The following SHC3 variants were observed in gnomAD, a reference collection of about 807,000 sequenced individuals.
The protein encoded by SHC3 is SHC-transforming protein 3.
Under a neutral mutation model 60.4 loss-of-function variants are expected in SHC3, and 15 were observed. The observed-to-expected ratio is 0.25, with a 90% CI of 0.17 to 0.38. The LOEUF is 0.38. Ranked by LOEUF, SHC3 falls within the 10% of genes least tolerant of loss-of-function variation. The probability of loss-of-function intolerance (pLI) is 1.00; values close to 1 mark genes in which losing one functional copy is unlikely to be tolerated. For synonymous variants in SHC3, 294 were observed against 325.9 expected, an observed-to-expected ratio of 0.90 and a Z score of 1.05; for missense variants, 677 against 786.1, an observed-to-expected ratio of 0.86 and a Z score of 1.66.
At chr9:89,035,827 C>T (rs1471121669) in intron 11 of SHC3, among the ~76,000 whole-genome samples, 1 of 49,588 alleles carries the variant, frequency 2.0e-5, no homozygotes, top group Non-Finnish European at 3.8e-5. Flanking sequence ...AACAAACAAA[C>T]AAAATATATA....
At chr9:89,142,779 C>A (rs758929007) in intron 1 of SHC3, among the ~76,000 whole-genome samples, 1 of 151,954 alleles carries the variant, frequency 6.6e-6, no homozygotes, top group Non-Finnish European at 1.5e-5. Context: ...CCTTTACTCA[C>A]ATATATGCAC....
chr9:89,138,935 A>T (rs1826356111), intron 1 of SHC3, among the ~76,000 whole-genome samples: 1 of 152,018 alleles, frequency 6.6e-6, no homozygotes, highest in Non-Finnish European at 1.5e-5. Context: ...AAGATTAATA[A>T]GTATTCAATT....
chr9:89,085,723 A>C (rs1825518442), intron 2 of SHC3, among the ~76,000 whole-genome samples: 1 of 152,216 alleles, frequency 6.6e-6, no homozygotes, highest in Non-Finnish European at 1.5e-5. Flanking sequence ...AACCTGCAGA[A>C]GGTAACACTG....
chr9:89,161,643 T>A (rs1244509390), intron 1 of SHC3, among the ~76,000 whole-genome samples: 8 of 151,900 alleles, frequency 5.3e-5, no homozygotes, highest in Admixed American at 4.6e-4. Flanking sequence ...TCATACTGAA[T>A]GGGCAAAAAC....
At chr9:89,140,811 A>C (rs1826382438) in intron 1 of SHC3, among the ~76,000 whole-genome samples, 1 of 152,182 alleles carries the variant, frequency 6.6e-6, no homozygotes, top group Non-Finnish European at 1.5e-5. Context: ...AGGTTCTCTT[A>C]TGTCGGCATT....
chr9:89,015,037 C>A (rs983481682), intron 11 of SHC3, among the ~76,000 whole-genome samples: 1 of 152,198 alleles, frequency 6.6e-6, no homozygotes, highest in Non-Finnish European at 1.5e-5. Flanking sequence ...GGGCACTAAG[C>A]CTCACTAAGG....
At chr9:89,086,245 C>A (rs544852917) in intron 2 of SHC3, among the ~76,000 whole-genome samples, 6 of 152,184 alleles carry the variant, frequency 3.9e-5, no homozygotes, top group Non-Finnish European at 5.9e-5. Flanking sequence ...CAAGACTGTG[C>A]CCCACTTCCG....
intron 1 of SHC3, among the ~76,000 whole-genome samples, chr9:89,147,800 C>G (rs2118207048): frequency 6.6e-6 from 1 of 152,180 alleles, no homozygotes; most frequent in South Asian, 2.1e-4. Flanking sequence ...TTCCCTTCCT[C>G]CCTGATGATA....
chr9:89,044,320 G>C (rs1587692212), intron 9 of SHC3, among the ~76,000 whole-genome samples: 2 of 152,194 alleles, frequency 1.3e-5, no homozygotes, highest in African/African-American at 4.8e-5. Context: ...ACATGTGGTG[G>C]CTTCTGCCAG....
At chr9:89,176,606 G>T (rs1277956741) in intron 1 of SHC3, among the ~76,000 whole-genome samples, 1 of 152,010 alleles carries the variant, frequency 6.6e-6, no homozygotes, top group Admixed American at 6.5e-5. Flanking sequence ...TTTTGTTTTG[G>T]CCCCTGGTTA....
chr9:89,109,955 A>C, intron 2 of SHC3: 2 of 985,450 alleles, frequency 2.0e-6, no homozygotes, highest in Non-Finnish European at 2.4e-6. Context: ...TCCTTCATTT[A>C]TACCTATGCC....
At chr9:89,038,764 T>A (rs542703021) in intron 10 of SHC3, among the ~76,000 whole-genome samples, 28 of 152,320 alleles carry the variant, frequency 1.8e-4, no homozygotes, top group African/African-American at 6.3e-4. Flanking sequence ...CCACCAAAGG[T>A]TTATTTCAAA....
chr9:89,142,828 A>G (rs1243171392), intron 1 of SHC3, among the ~76,000 whole-genome samples: 1 of 152,062 alleles, frequency 6.6e-6, no homozygotes, highest in African/African-American at 2.4e-5. Flanking sequence ...GTGTGTACAG[A>G]TAATTTTCCT....
Position 89,038,234 on chromosome 9 carries a change from G to T in SHC3, c.1415C>A (p.Ala472Glu). The T allele has an allele frequency of 6.2e-7, 1 of 1,613,918 alleles. No homozygotes were observed. Among genetic ancestry groups the T allele is most frequent in the South Asian group, 1.1e-5 (1 of 91,076 alleles). ...AGGGCTGATGCACTCCACGGAGGCT[G>T]CCTTGCTTAACACGGGCCCCAAGGG... ...NQPLGPVLSK[A>E]ASVECISPVS... is the part of the protein sequence containing the mutation. Residue 472 changes from alanine (A) to glutamate (E), a missense_variant, in exon 11 of 12, where the codon GCA (alanine) becomes GAA (glutamate). Physicochemically the swap from Ala to Glu is moderately radical, Grantham distance 107. Coordinates refer to ENST00000375835, the MANE Select transcript of SHC3 (RefSeq NM_016848.6).
chr9:89,097,379 G>A (rs1018853002), intron 2 of SHC3, among the ~76,000 whole-genome samples: 4 of 152,156 alleles, frequency 2.6e-5, no homozygotes, highest in Non-Finnish European at 4.4e-5. Context: ...ATGAAAACAT[G>A]AAGAGAAAGG....
At chr9:89,074,733 G>A (rs772172768) in intron 4 of SHC3, among the ~76,000 whole-genome samples, 105 of 136,932 alleles carry the variant, frequency 7.7e-4, no homozygotes, top group Non-Finnish European at 1.3e-3. Flanking sequence ...ATTAGACCAT[G>A]ACATGCCGTC....
At chr9:89,097,280 C>A (rs1391993761) in intron 2 of SHC3, among the ~76,000 whole-genome samples, 5 of 152,174 alleles carry the variant, frequency 3.3e-5, no homozygotes, top group African/African-American at 1.2e-4. Flanking sequence ...ATTTAATTTT[C>A]AGTGCTCAAA....
chr9:89,167,821 C>T (rs1416750804), intron 1 of SHC3, among the ~76,000 whole-genome samples: 1 of 152,232 alleles, frequency 6.6e-6, no homozygotes, highest in Non-Finnish European at 1.5e-5. Flanking sequence ...TTCCATTTTA[C>T]TGGTGAAACA....
chr9:89,106,727 A>C (rs1299926096), intron 2 of SHC3, among the ~76,000 whole-genome samples: 1 of 152,152 alleles, frequency 6.6e-6, no homozygotes, highest in African/African-American at 2.4e-5. Context: ...CCTGGCACCA[A>C]GTCTCAGGGG....
Sources: allele counts gnomAD v4.1 joint callset (sites outside exome capture counted in the v4.1 genomes callset), GRCh38; gene constraint gnomAD v4.1.1; transcripts MANE v1.5; gene names NCBI Gene and HGNC (gene_info 2026-07-23, HGNC 2026-07-21).